The following GIPC2 variants were observed in gnomAD, a reference collection of about 807,000 sequenced individuals.
GIPC2 encodes the protein PDZ domain-containing protein GIPC2.
In GIPC2, 30 loss-of-function variants were observed where a neutral mutation model predicts 30.6. The observed-to-expected ratio is 0.98, with a 90% CI of 0.73 to 1.33. The LOEUF (loss-of-function observed/expected upper bound fraction) is 1.33. GIPC2 is among the 40% of genes most tolerant of loss of function. GIPC2 has a pLI of 0.00. For synonymous variants in GIPC2, 167 were observed against 150.0 expected (o/e 1.11, Z -0.83); for missense variants, 414 against 390.3 (o/e 1.06, Z -0.51).
chr1:78,047,984 T>C (rs989171570), intron 1 of GIPC2, among the ~76,000 whole-genome samples: 1 of 152,232 alleles, frequency 6.6e-6, no homozygotes, highest in African/African-American at 2.4e-5. Context: ...AACCAGGGAC[T>C]TCAGTTTTAG....
chr1:78,050,060 A>G (rs200424647), intron 1 of GIPC2, among the ~76,000 whole-genome samples: 2 of 151,732 alleles, frequency 1.3e-5, no homozygotes, highest in Non-Finnish European at 2.9e-5. Flanking sequence ...TCATGCCTGG[A>G]TAATTTTTGT....
At chr1:78,114,804 A>G (rs1192413915) in intron 3 of GIPC2, among the ~76,000 whole-genome samples, 1 of 152,166 alleles carries the variant, frequency 6.6e-6, no homozygotes, top group Non-Finnish European at 1.5e-5. Context: ...ACATTGGGTG[A>G]TTATGATGTG....
intron 3 of GIPC2, among the ~76,000 whole-genome samples, chr1:78,102,213 C>G (rs1662262053): frequency 6.6e-6 from 1 of 152,154 alleles, no homozygotes; most frequent in Non-Finnish European, 1.5e-5. Flanking sequence ...TTAGAAGATT[C>G]ATTTCTGTGC....
chr1:78,077,692 T>A (rs1260624672), intron 1 of GIPC2, among the ~76,000 whole-genome samples: 1 of 152,260 alleles, frequency 6.6e-6, no homozygotes, highest in African/African-American at 2.4e-5. Flanking sequence ...CACTGCCTGT[T>A]GTGTAGCGTA....
At chr1:78,126,165 T>G (rs1403066901) in intron 5 of GIPC2, among the ~76,000 whole-genome samples, 1 of 152,256 alleles carries the variant, frequency 6.6e-6, no homozygotes, top group Non-Finnish European at 1.5e-5. Context: ...AAGTAAACTT[T>G]AAAACATTTT....
intron 1 of GIPC2, among the ~76,000 whole-genome samples, chr1:78,056,024 TCA>T (rs1275311268): frequency 6.6e-6 from 1 of 152,148 alleles, no homozygotes; most frequent in Non-Finnish European, 1.5e-5. Flanking sequence ...GACTTGCAGG[TCA>T]TTACCTGAAG....
At chr1:78,072,132 T>C (rs547888846) in intron 1 of GIPC2, among the ~76,000 whole-genome samples, 1 of 152,336 alleles carries the variant, frequency 6.6e-6, no homozygotes, top group South Asian at 2.1e-4. Flanking sequence ...AAAAAAATGG[T>C]ATTATGATAC....
intron 3 of GIPC2, among the ~76,000 whole-genome samples, chr1:78,117,987 A>G (rs900373546): frequency 7.3e-5 from 11 of 151,170 alleles, no homozygotes; most frequent in Non-Finnish European, 1.5e-4. Flanking sequence ...CTGTGTTGCA[A>G]TCATGGCTCA....
intron 3 of GIPC2, among the ~76,000 whole-genome samples, chr1:78,106,749 C>G (rs571546114): frequency 6.6e-6 from 1 of 152,114 alleles, no homozygotes; most frequent in Non-Finnish European, 1.5e-5. Context: ...GGTGCTATCT[C>G]GGCTCTCTGC....
intron 2 of GIPC2, among the ~76,000 whole-genome samples, chr1:78,083,690 A>G (rs947528581): frequency 1.3e-5 from 2 of 152,012 alleles, no homozygotes; most frequent in Admixed American, 6.5e-5. Context: ...GCCCTTATTT[A>G]TTGTCAACAT....
At chr1:78,067,080 T>A (rs1369150096) in intron 1 of GIPC2, among the ~76,000 whole-genome samples, 1 of 152,244 alleles carries the variant, frequency 6.6e-6, no homozygotes, top group Non-Finnish European at 1.5e-5. Flanking sequence ...ATTTGTGATG[T>A]CTCAATCTTT....
chr1:78,089,489 T>G (rs1007335509), intron 2 of GIPC2, among the ~76,000 whole-genome samples: 1 of 152,196 alleles, frequency 6.6e-6, no homozygotes, highest in Admixed American at 6.5e-5. Context: ...TTTTATAGTT[T>G]TGTATGGTTC....
At chr1:78,072,768 G>A (rs552654029) in intron 1 of GIPC2, among the ~76,000 whole-genome samples, 2 of 152,012 alleles carry the variant, frequency 1.3e-5, no homozygotes, top group Non-Finnish European at 2.9e-5. Context: ...GTATAAATAT[G>A]TGGTACTAAC....
chr1:78,047,981 G>A (rs75005463), intron 1 of GIPC2, among the ~76,000 whole-genome samples: 1 of 152,152 alleles, frequency 6.6e-6, no homozygotes, highest in African/African-American at 2.4e-5. Context: ...TGTAACCAGG[G>A]ACTTCAGTTT....
At chr1:78,107,374 G>C (rs1173915223) in intron 3 of GIPC2, among the ~76,000 whole-genome samples, 2 of 151,798 alleles carry the variant, frequency 1.3e-5, no homozygotes, top group Non-Finnish European at 2.9e-5. Context: ...TGAACTCCTG[G>C]GCTCAAGCAG....
intron 1 of GIPC2, among the ~76,000 whole-genome samples, chr1:78,057,574 A>G (rs1390882342): frequency 6.6e-6 from 1 of 152,250 alleles, no homozygotes; most frequent in Non-Finnish European, 1.5e-5. Flanking sequence ...TACAGGGAAG[A>G]AAGAACTAAA....
intron 3 of GIPC2, among the ~76,000 whole-genome samples, chr1:78,099,180 G>A (rs1571506944): frequency 6.6e-6 from 1 of 151,990 alleles, no homozygotes; most frequent in Non-Finnish European, 1.5e-5. Flanking sequence ...TTGTCTTAGG[G>A]TATTAGTTGC....
At chr1:78,064,326 C>T (rs1204252562) in intron 1 of GIPC2, among the ~76,000 whole-genome samples, 1 of 152,224 alleles carries the variant, frequency 6.6e-6, no homozygotes, top group Non-Finnish European at 1.5e-5. Flanking sequence ...AGCAGTTCTT[C>T]ATGAAGCTGG....
intron 3 of GIPC2, among the ~76,000 whole-genome samples, chr1:78,104,630 G>T (rs989027055): frequency 6.6e-6 from 1 of 152,132 alleles, no homozygotes; most frequent in Non-Finnish European, 1.5e-5. Flanking sequence ...GTAAAAATGG[G>T]GTAGGAGGTG....
Sources: gnomAD v4.1 joint callset for allele counts (sites outside exome capture counted in the v4.1 genomes callset) on GRCh38, gnomAD v4.1.1 for gene constraint, MANE v1.5 for transcripts, NCBI Gene and HGNC (gene_info 2026-07-23, HGNC 2026-07-21) for gene names.